Variants in CTNNA3 observed in about 807,000 individuals in gnomAD.
The protein encoded by CTNNA3 is catenin alpha-3.
A neutral mutation model predicts 95.7 loss-of-function variants in CTNNA3; 76 were observed. That is an observed-to-expected ratio of 0.79 (90% confidence interval 0.66 to 0.96). The LOEUF is 0.96. Among genes scored for constraint, CTNNA3 ranks in the 40% least tolerant of loss-of-function variants. The probability of loss-of-function intolerance (pLI) is 0.00; values close to 1 mark genes in which losing one functional copy is unlikely to be tolerated. For synonymous variants in CTNNA3, 431 were observed against 374.4 expected (o/e 1.15, Z -1.74); for missense variants, 1,191 against 1,089.8 (o/e 1.09, Z -1.31).
intron 5 of CTNNA3, among the ~76,000 whole-genome samples, chr10:67,239,822 A>G (rs1166565326): frequency 6.6e-6 from 1 of 152,174 alleles, no homozygotes; most frequent in African/African-American, 2.4e-5. Context: ...TATTCTGTCC[A>G]TCTGTAAGAA....
chr10:65,994,491 T>C (rs944558778), intron 15 of CTNNA3, among the ~76,000 whole-genome samples: 5 of 152,118 alleles, frequency 3.3e-5, no homozygotes, highest in South Asian at 2.1e-4. Flanking sequence ...TCTCCTGATC[T>C]GTAATTTTTC....
intron 11 of CTNNA3, among the ~76,000 whole-genome samples, chr10:66,408,884 T>C (rs954787056): frequency 1.3e-5 from 2 of 152,166 alleles, no homozygotes; most frequent in Non-Finnish European, 2.9e-5. Flanking sequence ...TTTTTCTATA[T>C]GAGCAGGCCA....
chr10:67,256,544 G>GA lies in CTNNA3; in HGVS notation c.580-36675dup, dbSNP rs1190421174. Among the ~76,000 whole-genome samples the GA allele has an allele frequency of 3.9e-5, 6 of 152,262 alleles. No individual in the cohort carries two copies. The East Asian group carries it at 1.2e-3, about 29-fold the overall frequency. ...TCATTACCAGATGGTTTATCTGAAA[G>GA]ATTACCCAATAAAAATGACTGCTTT... On this transcript the variant is annotated intron_variant, in intron 5 of 17. Coordinates refer to ENST00000433211, the MANE Select transcript of CTNNA3 (RefSeq NM_013266.4).
In CTNNA3 at chr10:67,651,675, G is replaced by T. The variant is rs551010330; in HGVS notation, c.-5-4157C>A. Among the ~76,000 whole-genome samples the T allele has an allele frequency of 2.0e-5, 3 of 151,756 alleles. No individual in the cohort carries two copies. In the South Asian group the frequency reaches 6.2e-4, roughly 32 times the overall value. On this transcript the variant is annotated intron_variant, in intron 1 of 17. Coordinates refer to ENST00000433211, the MANE Select transcript of CTNNA3 (RefSeq NM_013266.4). ...TGAAATAATCTACCTTTTTCATTTC[G>T]TCAAAAATATAGATATATCATGAAG... is the stretch of plus-strand genomic sequence containing the variant.
At chr10:66,791,505 C>A (rs1184591119) in intron 7 of CTNNA3, among the ~76,000 whole-genome samples, 1 of 152,170 alleles carries the variant, frequency 6.6e-6, no homozygotes, top group Non-Finnish European at 1.5e-5. Flanking sequence ...ATTCCAATGC[C>A]ACTTCTGCCA....
intron 14 of CTNNA3, among the ~76,000 whole-genome samples, chr10:66,100,288 C>G (rs2133731735): frequency 6.6e-6 from 1 of 152,218 alleles, no homozygotes; most frequent in East Asian, 1.9e-4. Flanking sequence ...AAGAGTTGCT[C>G]TATGTGGGGT....
At position 65,919,810 on chromosome 10, in the gene CTNNA3, G is replaced by T. The variant is rs1941996; in HGVS notation, c.*520C>A. ...ACAGCTATCTAGAGATTAAAAGGTG[G>T]TTTTTTTGCTATGGCAGGAATCATA... On this transcript the variant is annotated 3_prime_UTR_variant, in exon 18 of 18. Coordinates refer to ENST00000433211, the MANE Select transcript of CTNNA3 (RefSeq NM_013266.4). 23,214 of 153,770 alleles carry T rather than the reference G, an allele frequency of 0.15. 2,190 individuals are homozygous for T. The highest frequency in any genetic ancestry group is 0.22 in the South Asian group (1,101 of 4,934). 9.5% of individuals were successfully genotyped at this position (153,770 alleles called of 1,614,324 possible). A position where few individuals can be genotyped will look rare whatever the true frequency, so the allele number is the denominator to read the frequency against.
At chr10:67,587,185 C>G (rs894228897) in intron 3 of CTNNA3, among the ~76,000 whole-genome samples, 5 of 137,854 alleles carry the variant, frequency 3.6e-5, no homozygotes, top group African/African-American at 1.3e-4. Context: ...CCATGACACC[C>G]AGCTAACTTG....
intron 7 of CTNNA3, among the ~76,000 whole-genome samples, chr10:67,158,324 G>A (rs1047205949): frequency 6.6e-6 from 1 of 152,046 alleles, no homozygotes; most frequent in African/African-American, 2.4e-5. Context: ...TGGCTCATGG[G>A]AATACTGGAC....
chr10:65,952,769 C>T (rs1054081552), intron 17 of CTNNA3, among the ~76,000 whole-genome samples: 12 of 152,134 alleles, frequency 7.9e-5, no homozygotes, highest in Admixed American at 2.0e-4. Flanking sequence ...ATGAACATGG[C>T]CCCTTGATTT....
At chr10:66,216,418 G>A (rs2088541002) in intron 13 of CTNNA3, among the ~76,000 whole-genome samples, 1 of 152,182 alleles carries the variant, frequency 6.6e-6, no homozygotes, top group Non-Finnish European at 1.5e-5. Flanking sequence ...CATAGTAAAT[G>A]TTTCTTTCTG....
At chr10:66,727,932 T>C (rs1848829229) in intron 9 of CTNNA3, among the ~76,000 whole-genome samples, 1 of 152,166 alleles carries the variant, frequency 6.6e-6, no homozygotes, top group Non-Finnish European at 1.5e-5. Flanking sequence ...TTATTTAGGG[T>C]ATAAAAAGCC....
chr10:66,060,757 A>G (rs1345454872), intron 15 of CTNNA3, among the ~76,000 whole-genome samples: 4 of 152,064 alleles, frequency 2.6e-5, no homozygotes, highest in Non-Finnish European at 4.4e-5. Context: ...TATTCTCTGA[A>G]GAGGATAAAA....
intron 5 of CTNNA3, among the ~76,000 whole-genome samples, chr10:67,270,208 A>T (rs1197197338): frequency 6.6e-6 from 1 of 151,984 alleles, no homozygotes; most frequent in African/African-American, 2.4e-5. Flanking sequence ...AAAATTAAAC[A>T]TTATCTTTCT....
At chr10:67,318,725 A>G (rs1045657077) in intron 5 of CTNNA3, among the ~76,000 whole-genome samples, 1 of 152,148 alleles carries the variant, frequency 6.6e-6, no homozygotes, top group African/African-American at 2.4e-5. Context: ...CCTTTGCTCA[A>G]ATGTTGCCTT....
intron 7 of CTNNA3, among the ~76,000 whole-genome samples, chr10:66,802,289 A>G (rs1841460954): frequency 6.6e-6 from 1 of 151,920 alleles, no homozygotes; most frequent in South Asian, 2.1e-4. Context: ...TTCACAATGC[A>G]TATATCTAAC....
At chr10:66,586,811 A>T (rs1290396028) in intron 10 of CTNNA3, among the ~76,000 whole-genome samples, 2 of 152,124 alleles carry the variant, frequency 1.3e-5, no homozygotes, top group African/African-American at 2.4e-5. Context: ...GAAACTTCTC[A>T]CAAGTGGGAA....
intron 2 of CTNNA3, among the ~76,000 whole-genome samples, chr10:67,612,250 T>C (rs1843482971): frequency 6.6e-6 from 1 of 152,204 alleles, no homozygotes; most frequent in South Asian, 2.1e-4. Flanking sequence ...GAAATAAATA[T>C]GAATAAGCTC....
chr10:67,402,228 T>C (rs753297726), intron 5 of CTNNA3, among the ~76,000 whole-genome samples: 1 of 152,156 alleles, frequency 6.6e-6, no homozygotes, highest in African/African-American at 2.4e-5. Flanking sequence ...AAAGGTGAAA[T>C]TCTCACTTAA....
Sources: allele counts gnomAD v4.1 joint callset (sites outside exome capture counted in the v4.1 genomes callset), GRCh38; gene constraint gnomAD v4.1.1; transcripts MANE v1.5; gene names NCBI Gene and HGNC (gene_info 2026-07-23, HGNC 2026-07-21).